The following AMN1 variants were observed in gnomAD, a reference collection of about 807,000 sequenced individuals.
The protein encoded by AMN1 is protein AMN1 homolog.
In AMN1, 20 loss-of-function variants were observed where a neutral mutation model predicts 33.0. The ratio of observed to expected loss-of-function variants is 0.61; its 90% CI spans 0.43 to 0.88. The LOEUF is 0.88. Ranked by LOEUF, AMN1 falls within the 40% of genes least tolerant of loss-of-function variation. AMN1 has a pLI of 0.00. For missense variants in AMN1, 246 were observed against 307.4 expected (o/e 0.80, Z 1.49); for synonymous variants, 114 against 111.9 (o/e 1.02, Z -0.12).
intron 6 of AMN1, among the ~76,000 whole-genome samples, chr12:31,674,118 A>T (rs1951336893): frequency 6.6e-6 from 1 of 152,056 alleles, no homozygotes; most frequent in African/African-American, 2.4e-5. Context: ...TTTAAAGTGA[A>T]CAACATTGGG....
chr12:31,706,878 G>A (rs1483289677), intron 2 of AMN1, among the ~76,000 whole-genome samples: 1 of 152,072 alleles, frequency 6.6e-6, no homozygotes, highest in Non-Finnish European at 1.5e-5. Context: ...GACATCTAGA[G>A]AGCACCACTA....
At chr12:31,708,299 CTGGGAGTGTCTGTCCTA>C (rs1221859464) in intron 2 of AMN1, among the ~76,000 whole-genome samples, 5 of 152,210 alleles carry the variant, frequency 3.3e-5, no homozygotes, top group South Asian at 2.1e-4. Flanking sequence ...AATGGCCACT[CTGGGAGTGTCTGTCCTA>C]TGGGAGTGTC....
At position 31,681,985 on chromosome 12, in the gene AMN1, C is replaced by A. The variant is rs540688248; in HGVS notation, c.703+7022G>T. Among the ~76,000 whole-genome samples the A allele has an allele frequency of 2.0e-5, 3 of 152,296 alleles. No individual in the cohort carries two copies. The East Asian group carries it at 5.8e-4, about 29-fold the overall frequency. Reference sequence around the variant, plus strand: ...AGCCACCGCACCCTGACACAAATAACATTTCAATATCTCACTTTCCTATTC... The same window carrying A: ...AGCCACCGCACCCTGACACAAATAAAATTTCAATATCTCACTTTCCTATTC... On this transcript the variant is annotated intron_variant, in intron 6 of 6. Transcript: ENST00000281471.
chr12:31,683,108 G>T lies in AMN1; in HGVS notation c.703+5899C>A. ...CATCAGAGTAGCTGGGATTACAGGCGTGCGCCACCATGCCCAGCTAATTTT... is the reference window on the plus strand; with the variant it reads ...CATCAGAGTAGCTGGGATTACAGGCTTGCGCCACCATGCCCAGCTAATTTT... On this transcript the variant is annotated intron_variant, in intron 6 of 6. Transcript: ENST00000281471. This position sits in a 1 kb window ranked among gnomAD's most constrained non-coding sequence, Gnocchi z 4.1. 6.6e-6 allele frequency among the ~76,000 whole-genome samples: 1 copy of T among 152,092 alleles called. No individual in the cohort carries two copies. Among genetic ancestry groups the T allele is most frequent in the East Asian group, 1.9e-4 (1 of 5,162 alleles).
chr12:31,696,250 AAATT>A lies in AMN1; in HGVS notation c.591+1107_591+1110del, dbSNP rs1386747227. ...AGACTCCGTCTCAAAATAAATAAAT[AAATT>A]AATTAATTAAAATTAAAATAAAAAA... On this transcript the variant is annotated intron_variant, in intron 5 of 6. Transcript: ENST00000281471. Among the ~76,000 whole-genome samples, 5 of 148,264 alleles carry A rather than the reference AAATT, an allele frequency of 3.4e-5. No homozygotes were observed. In the East Asian group the frequency reaches 6.0e-4, roughly 18 times the overall value.
At position 31,700,056 on chromosome 12, in the gene AMN1, C is replaced by T. The variant is rs939919742; in HGVS notation, c.316+1807G>A. Reference sequence around the variant, plus strand: ...TGCGTGTTTGCAATATTATGAATATCCTAACTCGCTAACCAAGATGACTGC... The same window carrying T: ...TGCGTGTTTGCAATATTATGAATATTCTAACTCGCTAACCAAGATGACTGC... On this transcript the variant is annotated intron_variant, in intron 3 of 6. Coordinates refer to ENST00000281471, the MANE Select transcript of AMN1 (RefSeq NM_001113402.2). Among the ~76,000 whole-genome samples the T allele has an allele frequency of 1.2e-4, 18 of 151,910 alleles. No homozygotes were observed. In the East Asian group the frequency reaches 1.9e-3, roughly 16 times the overall value.
At chr12:31,720,236 A>G (rs186164084) in intron 1 of AMN1, among the ~76,000 whole-genome samples, 160 of 152,336 alleles carry the variant, frequency 1.1e-3, no homozygotes, top group African/African-American at 3.7e-3. Context: ...AAGAAAACTT[A>G]TCTCTATTAA....
At chr12:31,729,027 C>G (rs1232062094), upstream of AMN1, 1 of 1,539,510 alleles carries the variant, frequency 6.5e-7, no homozygotes, top group South Asian at 1.2e-5. Flanking sequence ...CGTCTGAAGC[C>G]TCTTCCGCGG....
rs1412132392 is a variant in AMN1, at chr12:31,671,306, G to T, written c.*998C>A. 6.6e-6 allele frequency: 1 copy of T among 152,092 alleles called. No individual in the cohort carries two copies. Among genetic ancestry groups the T allele is most frequent in the African/African-American group, 2.4e-5 (1 of 41,416 alleles). The allele number at this position is 152,092 out of a possible 1,614,324, so 9.4% of individuals were successfully genotyped here. A position where few individuals can be genotyped will look rare whatever the true frequency, so the allele number is the denominator to read the frequency against. On this transcript the variant is annotated 3_prime_UTR_variant, in exon 7 of 7. Coordinates refer to ENST00000281471, the MANE Select transcript of AMN1 (RefSeq NM_001113402.2). ...ATACCACATTTATAAATCTTGTAAGGACAAGAAATGGAGTTGAATAAGTAC... is the reference window on the plus strand; with the variant it reads ...ATACCACATTTATAAATCTTGTAAGTACAAGAAATGGAGTTGAATAAGTAC...
At position 31,685,960 on chromosome 12, in the gene AMN1, AC is replaced by A. The variant is rs544305124; in HGVS notation, c.703+3046del. ...CATTTAGTGTGATTAAGCTCATTGC[AC>A]TCATTAATCATTTAGTGTCATTAAG... is the stretch of plus-strand genomic sequence containing the variant. On this transcript the variant is annotated intron_variant, in intron 6 of 6. Transcript: ENST00000281471. Among the ~76,000 whole-genome samples, 79 of 151,866 alleles carry A rather than the reference AC, an allele frequency of 5.2e-4. 1 individual carries two copies. The highest frequency in any genetic ancestry group is 1.7e-3 in the African/African-American group (71 of 41,422).
At chr12:31,728,864 CGGCG>C in intron 1 of AMN1, 103 bp downstream of exon 1, 2 of 1,079,310 alleles carry the variant, frequency 1.9e-6, no homozygotes, top group Admixed American at 6.6e-5. Flanking sequence ...CTTCAGAGGT[CGGCG>C]GGGGGGGTGG....
chr12:31,711,829 C>T (rs1389652809), intron 1 of AMN1, among the ~76,000 whole-genome samples: 1 of 152,204 alleles, frequency 6.6e-6, no homozygotes, highest in South Asian at 2.1e-4. Context: ...TGTATTTATA[C>T]CCATTAATCA....
rs773682512 is a variant in AMN1 at position 31,689,060 on chromosome 12, G to A, written c.650C>T (p.Thr217Ile). The change falls in exon 6 of 7, where the codon ACT becomes ATT. Residue 217 changes from threonine to isoleucine, a missense_variant. Transcript: ENST00000281471. Reference protein sequence around the residue: ...LTDGAVEAVLTYCPQIRILLF... With the variant: ...LTDGAVEAVLIYCPQIRILLF... ...TAATATACGTATTTGAGGACAGTAA[G>A]TAAGGACAGCTTCGACAGCCCCATC... 14 of 1,613,626 alleles carry A rather than the reference G, an allele frequency of 8.7e-6. No homozygotes were observed. The highest frequency in any genetic ancestry group is 2.2e-5 in the East Asian group (1 of 44,848).
chr12:31,695,010 G>C (rs187431107), intron 5 of AMN1, among the ~76,000 whole-genome samples: 504 of 152,232 alleles, frequency 3.3e-3, no homozygotes, highest in Non-Finnish European at 5.4e-3. Flanking sequence ...AAGGCATTAA[G>C]TTCTAATAAA....
intron 2 of AMN1, chr12:31,708,969 G>A (rs189587319): frequency 4.0e-4 from 161 of 402,854 alleles, no homozygotes; most frequent in African/African-American, 2.9e-3. Context: ...CTTGAGCTCC[G>A]GAGTTCGAGA....
At chr12:31,685,221 G>A (rs939591567) in intron 6 of AMN1, among the ~76,000 whole-genome samples, 4 of 151,706 alleles carry the variant, frequency 2.6e-5, no homozygotes, top group Admixed American at 1.3e-4. Context: ...TAGACACAGG[G>A]TTTCACCATG....
intron 6 of AMN1, among the ~76,000 whole-genome samples, chr12:31,680,911 CAAAA>C (rs1447850879): frequency 3.9e-5 from 6 of 151,976 alleles, no homozygotes; most frequent in African/African-American, 1.4e-4. Context: ...ATGTATCAAA[CAAAA>C]AACCCCCACA....
intron 1 of AMN1, among the ~76,000 whole-genome samples, chr12:31,728,688 A>C (rs542610389): frequency 1.3e-5 from 2 of 152,350 alleles, no homozygotes; most frequent in African/African-American, 2.4e-5. Context: ...GGCCACTGCC[A>C]GTAACAGCCG....
At chr12:31,718,111 C>T (rs1185362002) in intron 1 of AMN1, among the ~76,000 whole-genome samples, 2 of 151,936 alleles carry the variant, frequency 1.3e-5, no homozygotes, top group Non-Finnish European at 1.5e-5. Flanking sequence ...AGGCTTTGTT[C>T]GTTTTCATTC....
Sources: allele counts gnomAD v4.1 joint callset (sites outside exome capture counted in the v4.1 genomes callset), GRCh38; gene constraint gnomAD v4.1.1; non-coding constraint Gnocchi (gnomAD v3.1); transcripts MANE v1.5; gene names NCBI Gene and HGNC (gene_info 2026-07-23, HGNC 2026-07-21).